Variants in CCDC80 observed in about 807,000 individuals in gnomAD.
The protein encoded by CCDC80 is coiled-coil domain-containing protein 80.
CCDC80 carries 49 observed loss-of-function variants against 78.7 expected under a neutral mutation model. The ratio of observed to expected loss-of-function variants is 0.62; its 90% CI spans 0.50 to 0.79. CCDC80 has a LOEUF of 0.79. CCDC80 is among the 30% of genes least tolerant of loss of function. CCDC80 has a pLI of 0.00. For missense variants in CCDC80, 1,205 were observed against 1,198.6 expected (o/e 1.01, Z -0.08); for synonymous variants, 488 against 447.0 (o/e 1.09, Z -1.16).
intron 3 of CCDC80, among the ~76,000 whole-genome samples, chr3:112,626,255 C>T (rs1935970298): frequency 6.6e-6 from 1 of 152,162 alleles, no homozygotes; most frequent in Admixed American, 6.5e-5. Context: ...GGGGGACACA[C>T]AGCCACTGTG....
At chr3:112,624,998 A>G (rs971970842) in intron 3 of CCDC80, among the ~76,000 whole-genome samples, 4 of 152,176 alleles carry the variant, frequency 2.6e-5, no homozygotes, top group Admixed American at 1.3e-4. Flanking sequence ...ATGAGTCATT[A>G]TCTTGGAGTA....
In CCDC80 at chr3:112,603,658, G is replaced by A. The variant is rs1935415175; in HGVS notation, c.*1759C>T. 6.6e-6 allele frequency: 1 copy of A among 150,606 alleles called. No individual in the cohort carries two copies. Among genetic ancestry groups the A allele is most frequent in the South Asian group, 2.1e-4 (1 of 4,800 alleles). The allele number at this position is 150,606 out of a possible 1,614,324, so 9.3% of individuals were successfully genotyped here. A position where few individuals can be genotyped will look rare whatever the true frequency, so the allele number is the denominator to read the frequency against. ...AATATACCCAGTCACCCAAGAACTT[G>A]GATAGAGATATACAAGGAGATTAAT... On this transcript the variant is annotated 3_prime_UTR_variant, in exon 8 of 8. Transcript: ENST00000206423.
At chr3:112,618,013 C>T (rs1213886133) in intron 4 of CCDC80, among the ~76,000 whole-genome samples, 4 of 152,178 alleles carry the variant, frequency 2.6e-5, no homozygotes, top group African/African-American at 7.2e-5. Context: ...CTTAACCATT[C>T]TGGGCCTCTG....
chr3:112,607,576 G>A (rs1935540103), intron 6 of CCDC80, among the ~76,000 whole-genome samples: 1 of 152,142 alleles, frequency 6.6e-6, no homozygotes, highest in Non-Finnish European at 1.5e-5. Flanking sequence ...CACGAGGTCA[G>A]GAGATAGAGA....
chr3:112,612,040 C>T (rs1217214861), intron 5 of CCDC80, among the ~76,000 whole-genome samples: 9 of 133,428 alleles, frequency 6.7e-5, no homozygotes, highest in South Asian at 2.4e-4. Context: ...ACTTCCTCTG[C>T]TTTTTTTTTT....
rs1935431523 is a variant in CCDC80 at position 112,604,401 on chromosome 3, T to G, written c.*1016A>C. 1 of 152,186 alleles carries G rather than the reference T, an allele frequency of 6.6e-6. No homozygotes were observed. The allele number at this position is 152,186 out of a possible 1,614,324, so 9.4% of individuals were successfully genotyped here. On this transcript the variant is annotated 3_prime_UTR_variant, in exon 8 of 8. Coordinates refer to ENST00000206423, the MANE Select transcript of CCDC80 (RefSeq NM_199511.3). ...CACCACCCTGATCATTCAGCAGCCA[T>G]CAACATCAATGCAAAAAGATTATGA...
chr3:112,605,294 T>C lies in CCDC80; in HGVS notation c.*123A>G. On this transcript the variant is annotated 3_prime_UTR_variant, in exon 8 of 8. Coordinates refer to ENST00000206423, the MANE Select transcript of CCDC80 (RefSeq NM_199511.3). ...TGAAAGTTTGCTATTTATTTAGTCT[T>C]AGAAAAACACTGAAAGAAAAAGGCA... is the stretch of plus-strand genomic sequence containing the variant. 1 of 639,062 alleles carries C rather than the reference T, an allele frequency of 1.6e-6. No individual in the cohort carries two copies. The highest frequency in any genetic ancestry group is 2.6e-6 in the Non-Finnish European group (1 of 378,452). 39.6% of individuals were successfully genotyped at this position (639,062 alleles called of 1,614,324 possible). A position where few individuals can be genotyped will look rare whatever the true frequency, so the allele number is the denominator to read the frequency against.
chr3:112,636,505 C>T (rs1936210106), intron 2 of CCDC80, among the ~76,000 whole-genome samples: 2 of 152,168 alleles, frequency 1.3e-5, no homozygotes, highest in South Asian at 4.1e-4. Flanking sequence ...ATGTAAACAG[C>T]TAAGAAAATT....
intron 2 of CCDC80, among the ~76,000 whole-genome samples, chr3:112,634,152 G>T (rs982026218): frequency 2.0e-5 from 3 of 151,692 alleles, no homozygotes; most frequent in Non-Finnish European, 4.4e-5. Context: ...TTTTTTTACA[G>T]GATTCTGAAA....
In CCDC80 at chr3:112,601,839, A is replaced by C. The variant is rs1418013310; in HGVS notation, c.*3578T>G. ...CATTCCAGCTACTTTGGTCCATTGT[A>C]ACTTGGTAACCTTTGCCTTGAAAAC... On this transcript the variant is annotated 3_prime_UTR_variant, in exon 8 of 8. Coordinates refer to ENST00000206423, the MANE Select transcript of CCDC80 (RefSeq NM_199511.3). The C allele has an allele frequency of 6.6e-6, 1 of 152,212 alleles. No homozygotes were observed. The highest frequency in any genetic ancestry group is 2.4e-5 in the African/African-American group (1 of 41,436). The allele number at this position is 152,212 out of a possible 1,614,324, so 9.4% of individuals were successfully genotyped here.
intron 5 of CCDC80, among the ~76,000 whole-genome samples, chr3:112,612,937 G>A (rs1312482794): frequency 7.1e-6 from 1 of 141,670 alleles, no homozygotes; most frequent in Non-Finnish European, 1.5e-5. Context: ...ATCTCTTTCT[G>A]GTAGCTCTTC....
chr3:112,625,708 T>G (rs1935955415), intron 3 of CCDC80, among the ~76,000 whole-genome samples: 1 of 152,130 alleles, frequency 6.6e-6, no homozygotes, highest in African/African-American at 2.4e-5. Context: ...TATTTGTATT[T>G]GTCTAAAAAA....
chr3:112,618,681 G>A (rs1378233496), intron 4 of CCDC80, among the ~76,000 whole-genome samples: 4 of 152,152 alleles, frequency 2.6e-5, no homozygotes, highest in Non-Finnish European at 5.9e-5. Flanking sequence ...GCACATCATA[G>A]CTATTTAACT....
intron 3 of CCDC80, among the ~76,000 whole-genome samples, chr3:112,629,550 T>C (rs865848605): frequency 7.2e-5 from 11 of 152,284 alleles, no homozygotes; most frequent in Middle Eastern, 3.4e-3. Context: ...ATATGTAAAA[T>C]TGCGAAAACT....
chr3:112,636,249 C>T (rs1014092537), intron 2 of CCDC80, among the ~76,000 whole-genome samples: 3 of 152,142 alleles, frequency 2.0e-5, no homozygotes, highest in African/African-American at 7.2e-5. Flanking sequence ...ATTCAAGTAT[C>T]AGGTAGAGTT....
rs1175710589 is a variant in CCDC80, at chr3:112,639,582, T to C, written c.324A>G (p.Pro108=). 6.2e-7 allele frequency: 1 copy of C among 1,614,050 alleles called. No homozygotes were observed. Among genetic ancestry groups the C allele is most frequent in the African/African-American group, 1.3e-5 (1 of 74,924 alleles). ...TCTCACGCGGAGAGCCCCTGGCTGC[T>C]GGTCTTTGCTCAGGTCTCACGGCGG... ...NGAAVRPEQR[P]AARGSPREMI... is the part of the protein sequence containing the mutation. Residue 108 remains proline (P), a synonymous_variant, in exon 2 of 8, where the codon CCA becomes CCG. Transcript: ENST00000206423.
At chr3:112,627,316 CA>C (rs1159062705) in intron 3 of CCDC80, among the ~76,000 whole-genome samples, 12 of 152,232 alleles carry the variant, frequency 7.9e-5, no homozygotes, top group African/African-American at 2.9e-4. Flanking sequence ...ACCCCACATG[CA>C]ATATACTCTG....
Position 112,630,170 on chromosome 3 carries a change from T to A in CCDC80, c.1978A>T (p.Ile660Phe). The change falls in exon 3 of 8, where the codon ATC becomes TTC. Residue 660 changes from isoleucine (I) to phenylalanine (F), a missense_variant. By Grantham distance (21) the Ile-to-Phe change is conservative. Transcript: ENST00000206423. ...CKMATRKISV[I>F]TIFGPVNNST... ...TTGTTGACAGGGCCGAAGATGGTGA[T>A]CACAGAGATTTTCCTGGTAGCCATC... The A allele has an allele frequency of 6.2e-7, 1 of 1,613,950 alleles. No individual in the cohort carries two copies. The highest frequency in any genetic ancestry group is 8.5e-7 in the Non-Finnish European group (1 of 1,179,872).
At position 112,605,330 on chromosome 3, in the gene CCDC80, T is replaced by G. The variant is rs1042585832; in HGVS notation, c.*87A>C. Reference sequence around the variant, plus strand: ...TGAAAGAAAAAGGCAGGAAATGTAGTACGCAGTGTGGAAGAATGGAGCTGG... The same window carrying G: ...TGAAAGAAAAAGGCAGGAAATGTAGGACGCAGTGTGGAAGAATGGAGCTGG... On this transcript the variant is annotated 3_prime_UTR_variant, in exon 8 of 8. Transcript: ENST00000206423. 9.5e-6 allele frequency: 8 copies of G among 843,538 alleles called. No homozygotes were observed. Among genetic ancestry groups the G allele is most frequent in the Non-Finnish European group, 1.5e-5 (8 of 535,796 alleles). The allele number at this position is 843,538 out of a possible 1,614,324, so 52.3% of individuals were successfully genotyped here.
Sources: allele counts gnomAD v4.1 joint callset (sites outside exome capture counted in the v4.1 genomes callset), GRCh38; gene constraint gnomAD v4.1.1; transcripts MANE v1.5; gene names NCBI Gene and HGNC (gene_info 2026-07-23, HGNC 2026-07-21).